The following AGPAT3 variants were observed in gnomAD, a reference collection of about 807,000 sequenced individuals.
The protein encoded by AGPAT3 is 1-acylglycerol-3-phosphate O-acyltransferase 3.
AGPAT3 carries 5 observed loss-of-function variants against 47.3 expected under a neutral mutation model. The observed-to-expected ratio is 0.11, with a 90% CI of 0.06 to 0.22. The LOEUF (loss-of-function observed/expected upper bound fraction) is 0.22. AGPAT3 is among the 10% of genes least tolerant of loss of function. The pLI is 1.00. For synonymous variants in AGPAT3, 212 were observed against 208.3 expected (o/e 1.02, Z -0.15); for missense variants, 315 against 493.0 (o/e 0.64, Z 3.42).
Position 43,926,317 on chromosome 21 carries a change from C to T in AGPAT3, c.-49+22298C>T, listed in dbSNP as rs1018650339. Among the ~76,000 whole-genome samples, 76 of 152,292 alleles carry T rather than the reference C, an allele frequency of 5.0e-4. 1 individual carries two copies. Among genetic ancestry groups the T allele is most frequent in the African/African-American group, 1.7e-3 (72 of 41,552 alleles). On this transcript the variant is annotated intron_variant, in intron 2 of 9. Coordinates refer to ENST00000291572, the MANE Select transcript of AGPAT3 (RefSeq NM_020132.5). The stretch of plus-strand genomic sequence containing the variant: ...TGGCGCCAAGGGGGTGCTGAGCCTT[C>T]GCTCTGCCGTCCTTGGCTGAACAAG...
chr21:43,924,414 G>C (rs1387512703), intron 2 of AGPAT3, among the ~76,000 whole-genome samples: 1 of 152,140 alleles, frequency 6.6e-6, no homozygotes, highest in East Asian at 1.9e-4. Context: ...AAATTACAAG[G>C]AATTTATGAG....
chr21:43,987,231 C>T lies in AGPAT3; in HGVS notation c.*4839C>T, dbSNP rs2030384387. ...CACCAGGCACTCCTGTCCCATGGGG[C>T]CACCCACCTTCAGAGCCCACTCCCA... On this transcript the variant is annotated 3_prime_UTR_variant, in exon 10 of 10. Coordinates refer to ENST00000291572, the MANE Select transcript of AGPAT3 (RefSeq NM_020132.5). Among the ~76,000 whole-genome samples the T allele has an allele frequency of 6.6e-6, 1 of 152,234 alleles. No individual in the cohort carries two copies. Among genetic ancestry groups the T allele is most frequent in the Admixed American group, 6.5e-5 (1 of 15,290 alleles).
At chr21:43,946,975 T>A (rs1404905180) in intron 2 of AGPAT3, 1 of 152,306 alleles carries the variant, frequency 6.6e-6, no homozygotes, top group Non-Finnish European at 1.5e-5. Context: ...TCCCTCCACC[T>A]CCCACCCAAC....
In AGPAT3 at chr21:43,930,741, G is replaced by C. The variant is rs944522749; in HGVS notation, c.-49+26722G>C. The stretch of plus-strand genomic sequence containing the variant: ...CTTGCTGGCACATTCCCAGGGGGCT[G>C]CTGTAGGGCCAGTGTCCCCTCCTGG... On this transcript the variant is annotated intron_variant, in intron 2 of 9. Transcript: ENST00000291572. This position sits in a 1 kb window ranked among gnomAD's most constrained non-coding sequence, Gnocchi z 5.0. Among the ~76,000 whole-genome samples the C allele has an allele frequency of 3.3e-5, 5 of 152,314 alleles. No individual in the cohort carries two copies. The highest frequency in any genetic ancestry group is 1.2e-4 in the African/African-American group (5 of 41,580).
At chr21:43,867,233 G>A (rs964953778) in intron 1 of AGPAT3, 5 of 152,242 alleles carry the variant, frequency 3.3e-5, no homozygotes, top group Non-Finnish European at 7.3e-5. Flanking sequence ...CTTGCCCGAG[G>A]TTGTGTCACG....
At chr21:43,866,125 T>TTG (rs111228712) in intron 1 of AGPAT3, among the ~76,000 whole-genome samples, 4 of 151,150 alleles carry the variant, frequency 2.6e-5, no homozygotes, top group East Asian at 1.9e-4. Context: ...GCAGTGTTTT[T>TTG]TTTTTTTTTT....
chr21:43,902,448 C>A (rs1387210500), intron 1 of AGPAT3, among the ~76,000 whole-genome samples: 2 of 152,216 alleles, frequency 1.3e-5, no homozygotes, highest in Non-Finnish European at 2.9e-5. Flanking sequence ...TTAACACTGA[C>A]TGGCTGGCTT....
At chr21:43,971,241 T>C in intron 6 of AGPAT3, 147 bp from the exon 7 acceptor site, 1 of 683,834 alleles carries the variant, frequency 1.5e-6, no homozygotes, top group Non-Finnish European at 2.6e-6. Context: ...GAAGAGGTCC[T>C]GGTGTGTTCT....
intron 1 of AGPAT3, among the ~76,000 whole-genome samples, chr21:43,882,316 G>C (rs1387191194): frequency 6.6e-6 from 1 of 152,270 alleles, no homozygotes; most frequent in African/African-American, 2.4e-5. Context: ...GTGCAGTATG[G>C]AAATAGGTTT....
In AGPAT3 at chr21:43,961,290, A is replaced by G. The variant is rs114451059; in HGVS notation, c.178+1431A>G. Among the ~76,000 whole-genome samples the G allele has an allele frequency of 5.0e-3, 757 of 152,326 alleles. 4 individuals carry two copies. The highest frequency in any genetic ancestry group is 0.018 in the African/African-American group (731 of 41,564). The stretch of plus-strand genomic sequence containing the variant: ...TCCATGTTTTTGCATGAGCGCATAG[A>G]CACTTCGTCTCATATGGGAAACGGT... On this transcript the variant is annotated intron_variant, in intron 3 of 9. Coordinates refer to ENST00000291572, the MANE Select transcript of AGPAT3 (RefSeq NM_020132.5).
At chr21:43,879,754 G>T (rs1232328458) in intron 1 of AGPAT3, among the ~76,000 whole-genome samples, 1 of 152,192 alleles carries the variant, frequency 6.6e-6, no homozygotes, top group Non-Finnish European at 1.5e-5. Context: ...CTGAGTCCTG[G>T]CTGGGCCGCC....
At chr21:43,892,949 G>T (rs1474409344) in intron 1 of AGPAT3, among the ~76,000 whole-genome samples, 2 of 152,110 alleles carry the variant, frequency 1.3e-5, no homozygotes, top group Non-Finnish European at 2.9e-5. Flanking sequence ...ACCAAAATTA[G>T]CCAGGCATGG....
At chr21:43,980,257 C>A in intron 8 of AGPAT3, among the ~76,000 whole-genome samples, 1 of 129,962 alleles carries the variant, frequency 7.7e-6, no homozygotes, top group Admixed American at 9.3e-5. Context: ...GCCTGGGCGA[C>A]AGAGTGAGAC....
chr21:43,978,248 A>T, intron 8 of AGPAT3, 127 bp downstream of exon 8: 5 of 594,268 alleles, frequency 8.4e-6, no homozygotes, highest in Admixed American at 3.1e-5. Flanking sequence ...GGTCCTAAAT[A>T]CTCCTGATCC....
At chr21:43,886,593 C>T (rs1251977188) in intron 1 of AGPAT3, among the ~76,000 whole-genome samples, 1 of 152,142 alleles carries the variant, frequency 6.6e-6, no homozygotes, top group African/African-American at 2.4e-5. Flanking sequence ...AATTTTTATA[C>T]CCATTAACCT....
chr21:43,923,256 T>C (rs2086948628), intron 2 of AGPAT3, among the ~76,000 whole-genome samples: 1 of 151,872 alleles, frequency 6.6e-6, no homozygotes, highest in African/African-American at 2.4e-5. Flanking sequence ...TGGGGGGCAC[T>C]CCATGTACCT....
chr21:43,944,306 T>C lies in AGPAT3; in HGVS notation c.-48-15328T>C, dbSNP rs926197282. The stretch of plus-strand genomic sequence containing the variant: ...GAGTGGTTCCCGGGCTGGCCCTGCA[T>C]TGCGGCTGGGCAGGGGCCACACGTC... On this transcript the variant is annotated intron_variant, in intron 2 of 9. Coordinates refer to ENST00000291572, the MANE Select transcript of AGPAT3 (RefSeq NM_020132.5). Among the ~76,000 whole-genome samples, 6 of 152,200 alleles carry C rather than the reference T, an allele frequency of 3.9e-5. No individual in the cohort carries two copies. The South Asian group carries it at 1.2e-3, about 32-fold the overall frequency.
chr21:43,872,875 G>A (rs2085651581), intron 1 of AGPAT3, among the ~76,000 whole-genome samples: 1 of 152,216 alleles, frequency 6.6e-6, no homozygotes, highest in African/African-American at 2.4e-5. Context: ...GAGGAGGCCT[G>A]GTGTGAGAAA....
chr21:43,923,343 C>G (rs1276411029), intron 2 of AGPAT3, among the ~76,000 whole-genome samples: 1 of 152,220 alleles, frequency 6.6e-6, no homozygotes, highest in African/African-American at 2.4e-5. Flanking sequence ...TAGTTTAATA[C>G]TCGTTAGTTT....
Sources: gnomAD v4.1 joint callset for allele counts (sites outside exome capture counted in the v4.1 genomes callset) on GRCh38, gnomAD v4.1.1 for gene constraint, Gnocchi (gnomAD v3.1) non-coding constraint, MANE v1.5 for transcripts, NCBI Gene and HGNC (gene_info 2026-07-23, HGNC 2026-07-21) for gene names.